CCDC178: variants seen among roughly 807,000 people sequenced by gnomAD.
The protein encoded by CCDC178 is coiled-coil domain containing 178.
Under a neutral mutation model 117.4 loss-of-function variants are expected in CCDC178, and 126 were observed. The observed-to-expected ratio is 1.07, with a 90% confidence interval of 0.93 to 1.24. CCDC178 has a LOEUF of 1.24. Ranked by LOEUF, CCDC178 falls within the 50% of genes most tolerant of loss-of-function variation. CCDC178 has a pLI of 0.00. For synonymous variants in CCDC178, 283 were observed against 313.4 expected (o/e 0.90, Z 1.02); for missense variants, 1,030 against 986.9 (o/e 1.04, Z -0.59).
At chr18:32,940,600 T>G (rs1198897646) in intron 22 of CCDC178, among the ~76,000 whole-genome samples, 1 of 152,030 alleles carries the variant, frequency 6.6e-6, no homozygotes, top group Non-Finnish European at 1.5e-5. Context: ...GGGGGTTTGT[T>G]GTACAGATTA....
rs1332682674 is a variant in CCDC178, at chr18:33,253,404, A to C, written c.1410-7976T>G. 4.6e-5 allele frequency among the ~76,000 whole-genome samples: 7 copies of C among 151,996 alleles called. No homozygotes were observed. The East Asian group carries it at 1.4e-3, about 30-fold the overall frequency. On this transcript the variant is annotated intron_variant, in intron 14 of 22. Transcript: ENST00000383096. ...TTCTAATGGAATCTTAGTGTACATAACAGTTCCAATATGAGGATGTTTCAT... is the reference window on the plus strand; with the variant it reads ...TTCTAATGGAATCTTAGTGTACATACCAGTTCCAATATGAGGATGTTTCAT...
At chr18:32,956,635 G>T (rs1323762034) in intron 22 of CCDC178, 2 of 152,076 alleles carry the variant, frequency 1.3e-5, no homozygotes, top group African/African-American at 2.4e-5. Flanking sequence ...TCTTTCCAGG[G>T]TTATTTGTGA....
chr18:33,386,655 A>G (rs2063496708), intron 5 of CCDC178, among the ~76,000 whole-genome samples: 1 of 152,240 alleles, frequency 6.6e-6, no homozygotes, highest in Non-Finnish European at 1.5e-5. Flanking sequence ...AAGGCCTTTG[A>G]TAAAATTCAA....
chr18:33,109,370 T>C (rs1338364925), intron 20 of CCDC178, among the ~76,000 whole-genome samples: 1 of 151,626 alleles, frequency 6.6e-6, no homozygotes, highest in Non-Finnish European at 1.5e-5. Context: ...GAATATATCT[T>C]CAGAACTCAC....
intron 21 of CCDC178, among the ~76,000 whole-genome samples, chr18:33,015,944 T>C (rs2055979505): frequency 1.3e-5 from 2 of 152,138 alleles, no homozygotes; most frequent in Admixed American, 1.3e-4. Flanking sequence ...TTGAGATTCT[T>C]CAGTTAGAAT....
rs1003934971 is a variant in CCDC178 at position 33,158,008 on chromosome 18, G to A, written c.2238+53888C>T. Among the ~76,000 whole-genome samples, 5 of 152,162 alleles carry A rather than the reference G, an allele frequency of 3.3e-5. 1 individual carries two copies. The East Asian group carries it at 9.7e-4, about 29-fold the overall frequency. On this transcript the variant is annotated intron_variant, in intron 20 of 22. Coordinates refer to ENST00000383096, the MANE Select transcript of CCDC178 (RefSeq NM_001105528.4). ...GGAATGCTCACTTATCTGAGGGTTT[G>A]TTCTTAGACTAACTGGAATGATTTT...
Position 33,096,293 on chromosome 18 carries a change from A to AATATAAAAATATAAAATTTTTATATTTT in CCDC178, c.2239-3411_2239-3384dup, listed in dbSNP as rs1208816206. ...TTGGGAAAAAAATGTAAAAATATAA[A>AATATAAAAATATAAAATTTTTATATTTT]ATATAAAAATATAAAATTTTTATAT... On this transcript the variant is annotated intron_variant, in intron 20 of 22. Transcript: ENST00000383096. 5.5e-3 allele frequency among the ~76,000 whole-genome samples: 736 copies of AATATAAAAATATAAAATTTTTATATTTT among 135,002 alleles called. 22 individuals are homozygous for AATATAAAAATATAAAATTTTTATATTTT. The highest frequency in any genetic ancestry group is 0.012 in the African/African-American group (423 of 36,560). 88.6% of individuals were successfully genotyped at this position (135,002 alleles called of 152,430 possible). A position where few individuals can be genotyped will look rare whatever the true frequency, so the allele number is the denominator to read the frequency against.
At chr18:33,033,522 T>A (rs868212848) in intron 21 of CCDC178, among the ~76,000 whole-genome samples, 6 of 152,156 alleles carry the variant, frequency 3.9e-5, no homozygotes, top group Non-Finnish European at 5.9e-5. Context: ...AGTCCATTAA[T>A]TATTCATTCT....
intron 21 of CCDC178, among the ~76,000 whole-genome samples, chr18:33,040,719 A>G (rs73415480): frequency 0.096 from 14,538 of 151,978 alleles, 1,040 homozygotes; most frequent in African/African-American, 0.19. Flanking sequence ...AACTCAAGGA[A>G]AAAAAGTATG....
chr18:33,176,945 T>C (rs927463789), intron 20 of CCDC178, among the ~76,000 whole-genome samples: 1 of 152,204 alleles, frequency 6.6e-6, no homozygotes, highest in Admixed American at 6.5e-5. Flanking sequence ...TTTTCAACAA[T>C]AAACCTCTTC....
intron 20 of CCDC178, among the ~76,000 whole-genome samples, chr18:33,197,602 C>T (rs1229760332): frequency 4.0e-5 from 6 of 150,430 alleles, no homozygotes; most frequent in Admixed American, 2.0e-4. Context: ...ACCTTTGTGG[C>T]CTACCACACT....
intron 15 of CCDC178, among the ~76,000 whole-genome samples, chr18:33,244,816 C>T (rs1261321034): frequency 6.6e-6 from 1 of 151,812 alleles, no homozygotes; most frequent in Non-Finnish European, 1.5e-5. Context: ...ATGTAGTCTA[C>T]AAATTTCCAG....
At chr18:33,191,896 A>G (rs922623412) in intron 20 of CCDC178, among the ~76,000 whole-genome samples, 2 of 152,162 alleles carry the variant, frequency 1.3e-5, no homozygotes, top group African/African-American at 4.8e-5. Flanking sequence ...CCATCAATTT[A>G]AGTAATAAAC....
intron 17 of CCDC178, 131 bp downstream of exon 17, chr18:33,224,644 G>A: frequency 1.9e-6 from 1 of 513,786 alleles, no homozygotes; most frequent in Non-Finnish European, 3.3e-6. Context: ...AAGTTGCGTG[G>A]TCCTGAAATA....
At chr18:33,159,964 A>C (rs950244320) in intron 20 of CCDC178, among the ~76,000 whole-genome samples, 4 of 152,144 alleles carry the variant, frequency 2.6e-5, no homozygotes, top group Non-Finnish European at 5.9e-5. Context: ...ATCAATCATC[A>C]GAGTAAGAAA....
chr18:33,331,622 C>T (rs1202012350), intron 10 of CCDC178, among the ~76,000 whole-genome samples: 3 of 152,036 alleles, frequency 2.0e-5, no homozygotes, highest in Non-Finnish European at 4.4e-5. Context: ...ATTAGAAATA[C>T]AATGAGAAAA....
intron 11 of CCDC178, among the ~76,000 whole-genome samples, chr18:33,315,559 C>G (rs779480178): frequency 6.6e-6 from 1 of 152,090 alleles, no homozygotes; most frequent in Admixed American, 6.6e-5. Context: ...AGGCCATACA[C>G]GGATATAAAA....
intron 9 of CCDC178, among the ~76,000 whole-genome samples, chr18:33,341,820 C>G (rs1214156362): frequency 6.6e-6 from 1 of 152,032 alleles, no homozygotes; most frequent in East Asian, 1.9e-4. Flanking sequence ...ATGTCTTTAT[C>G]AGCAGTATGA....
At chr18:33,135,052 A>T (rs1568009641) in intron 20 of CCDC178, among the ~76,000 whole-genome samples, 1 of 152,136 alleles carries the variant, frequency 6.6e-6, no homozygotes, top group Non-Finnish European at 1.5e-5. Flanking sequence ...ATTAAAATGC[A>T]TTTTTGTAAA....
Sources: allele counts gnomAD v4.1 joint callset (sites outside exome capture counted in the v4.1 genomes callset), GRCh38; gene constraint gnomAD v4.1.1; transcripts MANE v1.5; gene names NCBI Gene and HGNC (gene_info 2026-07-23, HGNC 2026-07-21).